SMC6: variants seen among roughly 807,000 people sequenced by gnomAD.
SMC6 encodes the protein structural maintenance of chromosomes 6, also known as structural maintenance of chromosomes protein 6.
In SMC6, 79 loss-of-function variants were observed where a neutral mutation model predicts 142.2. The ratio of observed to expected loss-of-function variants is 0.56; its 90% confidence interval spans 0.46 to 0.67. SMC6 has a LOEUF of 0.67. SMC6 is among the 30% of genes least tolerant of loss of function. The probability of loss-of-function intolerance (pLI) is 0.00; values close to 1 mark genes in which losing one functional copy is unlikely to be tolerated. For synonymous variants in SMC6, 411 were observed against 412.4 expected (o/e 1.00, Z 0.04); for missense variants, 1,072 against 1,284.0 (o/e 0.83, Z 2.52).
intron 15 of SMC6, 123 bp from the exon 16 acceptor site, chr2:17,715,188 T>C (rs1669022222): frequency 1.2e-6 from 1 of 843,938 alleles, no homozygotes; most frequent in Admixed American, 2.8e-5. Context: ...TAAATGACTT[T>C]ACAGATCATT....
chr2:17,667,965 T>C (rs1666578440), intron 26 of SMC6, among the ~76,000 whole-genome samples: 1 of 152,222 alleles, frequency 6.6e-6, no homozygotes, highest in African/African-American at 2.4e-5. Flanking sequence ...TATTGCTCAA[T>C]GGCTCTGATT....
intron 3 of SMC6, among the ~76,000 whole-genome samples, chr2:17,742,611 T>A (rs1427845060): frequency 3.3e-5 from 5 of 151,958 alleles, no homozygotes; most frequent in African/African-American, 1.2e-4. Flanking sequence ...TCTCCAGGTA[T>A]TTTAAAGATT....
At chr2:17,731,570 GT>G (rs558244832) in intron 6 of SMC6, among the ~76,000 whole-genome samples, 170 bp downstream of exon 6, 100 of 152,056 alleles carry the variant, frequency 6.6e-4, no homozygotes, top group Non-Finnish European at 1.2e-3. Context: ...ATATCCTGGG[GT>G]AAAACAACCA....
At position 17,683,771 on chromosome 2, in the gene SMC6, AT is replaced by A. The variant is rs1441862325; in HGVS notation, c.2679-9del. 1.2e-6 allele frequency: 2 copies of A among 1,603,280 alleles called. No homozygotes were observed. Among genetic ancestry groups the A allele is most frequent in the Admixed American group, 3.4e-5 (2 of 58,168 alleles). On this transcript the variant is annotated splice_polypyrimidine_tract_variant and intron_variant, in intron 23 of 27. Coordinates refer to ENST00000448223, the MANE Select transcript of SMC6 (RefSeq NM_001142286.2). ...CTTGCTTCTTGGTACTGCCTATTAT[AT>A]AAACAAAATATTACGTAAAAAATAC...
At chr2:17,745,382 G>C (rs189177730) in intron 3 of SMC6, among the ~76,000 whole-genome samples, 2 of 152,118 alleles carry the variant, frequency 1.3e-5, no homozygotes, top group East Asian at 3.9e-4. Context: ...GTAGTTATAG[G>C]GCTATTCAGA....
intron 5 of SMC6, among the ~76,000 whole-genome samples, 199 bp from the exon 6 acceptor site, chr2:17,732,076 T>G (rs1669939513): frequency 6.6e-6 from 1 of 152,134 alleles, no homozygotes; most frequent in East Asian, 1.9e-4. Flanking sequence ...AAAATAAAGT[T>G]GAGAATAAGT....
chr2:17,679,690 AC>A (rs1014310687), intron 24 of SMC6: 1 of 152,050 alleles, frequency 6.6e-6, no homozygotes. Context: ...TCCAATGGGC[AC>A]CCCTTCAAGC....
intron 26 of SMC6, among the ~76,000 whole-genome samples, chr2:17,667,914 A>G (rs1666576108): frequency 1.3e-5 from 2 of 152,242 alleles, no homozygotes; most frequent in Non-Finnish European, 2.9e-5. Context: ...GTGATTTAGA[A>G]CAAGGGCTGT....
At chr2:17,703,127 AAAG>A in intron 19 of SMC6, 27 bp downstream of exon 19, 2 of 1,266,060 alleles carry the variant, frequency 1.6e-6, no homozygotes, top group Non-Finnish European at 2.2e-6. Context: ...GAAAAAAACA[AAAG>A]AAGGTTTATT....
At chr2:17,706,384 C>T (rs193168751) in intron 18 of SMC6, among the ~76,000 whole-genome samples, 42 of 152,236 alleles carry the variant, frequency 2.8e-4, no homozygotes, top group Admixed American at 2.7e-3. Context: ...AATTGTTTTA[C>T]TAAACTTTCC....
At chr2:17,690,811 G>C (rs1667671109) in intron 23 of SMC6, among the ~76,000 whole-genome samples, 2 of 151,854 alleles carry the variant, frequency 1.3e-5, no homozygotes, top group Admixed American at 6.6e-5. Flanking sequence ...TCTTTTTCTT[G>C]GGAAATCTAT....
chr2:17,734,508 T>A (rs901427137), intron 5 of SMC6, among the ~76,000 whole-genome samples: 1 of 151,586 alleles, frequency 6.6e-6, no homozygotes, highest in South Asian at 2.1e-4. Context: ...AATGAATATT[T>A]TATTTCATTA....
intron 24 of SMC6, 41 bp from the exon 25 acceptor site, chr2:17,679,005 G>A (rs1411504987): frequency 9.2e-6 from 13 of 1,417,016 alleles, no homozygotes; most frequent in East Asian, 4.6e-5. Context: ...AGAGGGCAAA[G>A]GTTTTTTAAA....
intron 1 of SMC6, among the ~76,000 whole-genome samples, chr2:17,753,401 G>A (rs936484651): frequency 3.0e-5 from 2 of 65,694 alleles, no homozygotes; most frequent in Non-Finnish European, 6.6e-5. Context: ...CCGCGGCTCA[G>A]GAGACCGGTG....
intron 18 of SMC6, among the ~76,000 whole-genome samples, chr2:17,704,405 A>C (rs1668408276): frequency 6.6e-6 from 1 of 152,230 alleles, no homozygotes; most frequent in Admixed American, 6.5e-5. Context: ...TGGAGAATAA[A>C]TAAAGTACCA....
chr2:17,699,794 G>A (rs1279537813), intron 21 of SMC6, among the ~76,000 whole-genome samples: 1 of 152,148 alleles, frequency 6.6e-6, no homozygotes, highest in Non-Finnish European at 1.5e-5. Flanking sequence ...AACTGAGATA[G>A]CTGACAAACA....
At chr2:17,686,004 GA>G (rs1667439425) in intron 23 of SMC6, among the ~76,000 whole-genome samples, 4 of 152,010 alleles carry the variant, frequency 2.6e-5, no homozygotes, top group African/African-American at 9.6e-5. Flanking sequence ...TTAAATATAT[GA>G]AAAAATGTTG....
At chr2:17,683,115 A>G (rs531037285) in intron 24 of SMC6, among the ~76,000 whole-genome samples, 1 of 152,268 alleles carries the variant, frequency 6.6e-6, no homozygotes, top group Admixed American at 6.5e-5. Context: ...GTGAGTCTGT[A>G]CATCTCTGGA....
intron 18 of SMC6, 63 bp from the exon 19 acceptor site, chr2:17,703,355 T>C: frequency 2.8e-6 from 4 of 1,445,792 alleles, no homozygotes; most frequent in Non-Finnish European, 9.3e-7. Context: ...ACAAATACTT[T>C]AGACCTTTAC....
Sources: gnomAD v4.1 joint callset for allele counts (sites outside exome capture counted in the v4.1 genomes callset) on GRCh38, gnomAD v4.1.1 for gene constraint, MANE v1.5 for transcripts, NCBI Gene and HGNC (gene_info 2026-07-23, HGNC 2026-07-21) for gene names.